The following CCDC141 variants were observed in gnomAD, a reference collection of about 807,000 sequenced individuals.
CCDC141 encodes the protein coiled-coil domain-containing protein 141.
In CCDC141, 168 loss-of-function variants were observed where a neutral mutation model predicts 181.0. The observed-to-expected ratio is 0.93, with a 90% CI of 0.82 to 1.05. The LOEUF (loss-of-function observed/expected upper bound fraction) is 1.05, where lower values mean the gene tolerates loss of function less well. Among genes scored for constraint, CCDC141 ranks in the 50% least tolerant of loss-of-function variants. The probability of loss-of-function intolerance (pLI) is 0.00; values close to 1 mark genes in which losing one functional copy is unlikely to be tolerated. For missense variants in CCDC141, 1,902 were observed against 1,788.5 expected, an observed-to-expected ratio of 1.06 and a Z score of -1.14; for synonymous variants, 666 against 642.3, an observed-to-expected ratio of 1.04 and a Z score of -0.56.
Position 178,837,480 on chromosome 2 carries a change from T to C in CCDC141, c.3739A>G (p.Ser1247Gly). 3 of 1,614,028 alleles carry C rather than the reference T, an allele frequency of 1.9e-6. No individual in the cohort carries two copies. The highest frequency in any genetic ancestry group is 2.5e-6 in the Non-Finnish European group (3 of 1,179,944). Reference protein sequence around the residue: ...PVSSSLSLHISSYGVQAGTSS... With the variant: ...PVSSSLSLHIGSYGVQAGTSS... ...GTCCCAGCCTGCACCCCATAGCTGCTTATGTGAAGGCTGAGGGAGGAGCTG... is the reference window on the plus strand; with the variant it reads ...GTCCCAGCCTGCACCCCATAGCTGCCTATGTGAAGGCTGAGGGAGGAGCTG... The change falls in exon 23 of 24, where the codon AGC becomes GGC. Residue 1247 changes from serine (S) to glycine (G), a missense_variant. Transcript: ENST00000443758.
chr2:178,904,576 A>G (rs1687869894), intron 8 of CCDC141, among the ~76,000 whole-genome samples: 1 of 151,380 alleles, frequency 6.6e-6, no homozygotes, highest in Non-Finnish European at 1.5e-5. Flanking sequence ...GGTTTAACCC[A>G]TTTATAATTT....
downstream of CCDC141, among the ~76,000 whole-genome samples, chr2:178,824,912 G>A (rs558781419): frequency 3.9e-5 from 6 of 152,154 alleles, no homozygotes; most frequent in East Asian, 7.7e-4. Flanking sequence ...CAAGGCCTTC[G>A]ATAAAATACA....
intron 12 of CCDC141, chr2:178,875,431 G>C (rs1686316204): frequency 6.6e-6 from 1 of 152,132 alleles, no homozygotes; most frequent in Non-Finnish European, 1.5e-5. Context: ...CGGGCATGGT[G>C]GCAGGCACCT....
At chr2:178,840,000 G>A (rs985161667) in intron 22 of CCDC141, among the ~76,000 whole-genome samples, 2 of 152,194 alleles carry the variant, frequency 1.3e-5, no homozygotes, top group Admixed American at 6.5e-5. Flanking sequence ...TTGAGAATGT[G>A]TGCCTTACTT....
rs114122770 is a variant in CCDC141, at chr2:178,831,887, T to C, written c.*2286A>G. On this transcript the variant is annotated 3_prime_UTR_variant, in exon 24 of 24. Transcript: ENST00000443758. The stretch of plus-strand genomic sequence containing the variant: ...CCACCTTTCTCTTTCTCTCTCTCTC[T>C]AAAAATGGATTTTGCATGCTTTTTT... 0.019 allele frequency: 2,906 copies of C among 152,020 alleles called. 41 individuals are homozygous for C. Among genetic ancestry groups the C allele is most frequent in the South Asian group, 0.031 (147 of 4,758 alleles). 9.4% of individuals were successfully genotyped at this position (152,020 alleles called of 1,614,324 possible). A position where few individuals can be genotyped will look rare whatever the true frequency, so the allele number is the denominator to read the frequency against.
chr2:178,994,013 T>G (rs1268637730), intron 2 of CCDC141, among the ~76,000 whole-genome samples: 1 of 152,128 alleles, frequency 6.6e-6, no homozygotes, highest in Non-Finnish European at 1.5e-5. Context: ...GGGTACAACC[T>G]CCCTCCTGGC....
chr2:179,049,901 G>C lies in CCDC141; in HGVS notation c.41C>G (p.Thr14Arg), dbSNP rs763465534. The C allele has an allele frequency of 2.9e-5, 45 of 1,550,620 alleles. No individual in the cohort carries two copies. The highest frequency in any genetic ancestry group is 3.7e-5 in the Non-Finnish European group (43 of 1,146,986). The change falls in exon 1 of 24, where the codon ACG (threonine) becomes AGG (arginine). Residue 14 changes from threonine (T) to arginine (R), a missense_variant. Coordinates refer to ENST00000443758, the MANE Select transcript of CCDC141 (RefSeq NM_173648.4). ...QGSPSVALST[T>R]TVSSVAVQAG... ...CTGCACAGCAACTGAACTGACTGTC[G>C]TCGTAGAAAGCGCAACACTAGGACT...
intron 11 of CCDC141, among the ~76,000 whole-genome samples, chr2:178,882,350 C>T (rs1453766022): frequency 1.3e-5 from 2 of 152,076 alleles, no homozygotes; most frequent in South Asian, 2.1e-4. Flanking sequence ...GCGTGGGCAA[C>T]AAGAGCGAAA....
chr2:178,966,327 C>A (rs1368428406), intron 4 of CCDC141, among the ~76,000 whole-genome samples: 2 of 152,206 alleles, frequency 1.3e-5, no homozygotes, highest in Non-Finnish European at 2.9e-5. Flanking sequence ...GACTGGGAGA[C>A]ACCTCCCAGT....
chr2:179,022,478 A>G (rs2042716992), intron 2 of CCDC141, among the ~76,000 whole-genome samples: 1 of 152,152 alleles, frequency 6.6e-6, no homozygotes, highest in Non-Finnish European at 1.5e-5. Flanking sequence ...TTGAAGACCT[A>G]GCTCTCTTCC....
At chr2:179,004,186 GTT>G (rs1252267360) in intron 2 of CCDC141, among the ~76,000 whole-genome samples, 1 of 152,132 alleles carries the variant, frequency 6.6e-6, no homozygotes, top group African/African-American at 2.4e-5. Context: ...GGGATTTGTA[GTT>G]CCTTTGGGCT....
intron 17 of CCDC141, among the ~76,000 whole-genome samples, chr2:178,860,536 A>C (rs1181749709): frequency 6.9e-6 from 1 of 145,560 alleles, no homozygotes; most frequent in Non-Finnish European, 1.5e-5. Flanking sequence ...CAAAAAAAAA[A>C]ACAACACTTT....
At chr2:178,873,907 C>G (rs1450340278) in intron 12 of CCDC141, 1 of 152,178 alleles carries the variant, frequency 6.6e-6, no homozygotes, top group Non-Finnish European at 1.5e-5. Flanking sequence ...AGATAGCATT[C>G]TTGGTATTGG....
chr2:178,928,233 G>A (rs1029099796), intron 6 of CCDC141, among the ~76,000 whole-genome samples: 1 of 152,114 alleles, frequency 6.6e-6, no homozygotes, highest in African/African-American at 2.4e-5. Flanking sequence ...TGCAGTTTTG[G>A]GTGATGTCAT....
chr2:178,977,257 G>A (rs1308023971), intron 3 of CCDC141, among the ~76,000 whole-genome samples: 2 of 152,082 alleles, frequency 1.3e-5, no homozygotes, highest in African/African-American at 4.8e-5. Flanking sequence ...ACTCATCATG[G>A]AGAAAATAAG....
At chr2:178,907,021 A>G (rs1308275163) in intron 7 of CCDC141, among the ~76,000 whole-genome samples, 1 of 152,216 alleles carries the variant, frequency 6.6e-6, no homozygotes, top group African/African-American at 2.4e-5. Context: ...CAATGTCCTC[A>G]TGTCTCCCAT....
chr2:179,045,073 C>T (rs1240823285), intron 2 of CCDC141, among the ~76,000 whole-genome samples: 3 of 150,380 alleles, frequency 2.0e-5, no homozygotes, highest in Non-Finnish European at 4.4e-5. Context: ...AGGTTAGTTA[C>T]ATATGTATAC....
chr2:178,955,580 C>CA (rs549350206), intron 5 of CCDC141, among the ~76,000 whole-genome samples: 26 of 151,128 alleles, frequency 1.7e-4, no homozygotes, highest in Admixed American at 1.1e-3. Flanking sequence ...TTCAATGTAA[C>CA]AAAAAAACAG....
intron 4 of CCDC141, among the ~76,000 whole-genome samples, chr2:178,963,817 G>C (rs1690506647): frequency 6.6e-6 from 1 of 152,200 alleles, no homozygotes; most frequent in African/African-American, 2.4e-5. Flanking sequence ...AGAATGACGA[G>C]AGTGTGATTA....
Sources: allele counts gnomAD v4.1 joint callset (sites outside exome capture counted in the v4.1 genomes callset), GRCh38; gene constraint gnomAD v4.1.1; transcripts MANE v1.5; gene names NCBI Gene and HGNC (gene_info 2026-07-23, HGNC 2026-07-21).